Variants in PCDH11X observed in about 807,000 individuals in gnomAD.
PCDH11X encodes the protein protocadherin-11 X-linked.
PCDH11X carries 18 observed loss-of-function variants against 53.3 expected under a neutral mutation model. That is an observed-to-expected ratio of 0.34 (90% CI 0.23 to 0.50). The LOEUF is 0.50. Among genes scored for constraint, PCDH11X ranks in the 20% least tolerant of loss-of-function variants. The probability of loss-of-function intolerance (pLI) is 0.98; values close to 1 mark genes in which losing one functional copy is unlikely to be tolerated. For synonymous variants in PCDH11X, 279 were observed against 393.3 expected, an observed-to-expected ratio of 0.71 and a Z score of 3.44; for missense variants, 570 against 1,032.4, an observed-to-expected ratio of 0.55 and a Z score of 6.14.
At chrX:92,259,753 G>A (rs1347203513) in intron 7 of PCDH11X, among the ~76,000 whole-genome samples, 1 of 111,759 alleles carries the variant, frequency 8.9e-6, no homozygotes, top group Non-Finnish European at 1.9e-5. Flanking sequence ...CCTTGATGTA[G>A]TACCTGGGTA....
At chrX:92,325,862 C>T (rs1183124782) in intron 8 of PCDH11X, among the ~76,000 whole-genome samples, 2 of 111,153 alleles carry the variant, frequency 1.8e-5, no homozygotes, top group Admixed American at 9.6e-5. Context: ...AACTAACCTG[C>T]TCCTGTTATT....
At chrX:92,184,935 T>C (rs2066063875) in intron 6 of PCDH11X, among the ~76,000 whole-genome samples, 1 of 111,113 alleles carries the variant, frequency 9.0e-6, no homozygotes, top group Admixed American at 9.7e-5. Context: ...TAATATAATA[T>C]ATAGTATAAG....
intron 4 of PCDH11X, among the ~76,000 whole-genome samples, chrX:91,830,495 C>T (rs1451576110): frequency 1.8e-5 from 2 of 110,687 alleles, no homozygotes; most frequent in Non-Finnish European, 3.8e-5. Context: ...CCCGCCTCTG[C>T]TTGCTGTGGT....
intron 6 of PCDH11X, among the ~76,000 whole-genome samples, chrX:92,085,130 T>C (rs2148109157): frequency 9.0e-6 from 1 of 111,082 alleles, no homozygotes; most frequent in East Asian, 2.9e-4. Context: ...AGTAATCACC[T>C]GATTGGCTAG....
At chrX:91,821,427 G>T (rs373043878) in intron 4 of PCDH11X, among the ~76,000 whole-genome samples, 7 of 110,589 alleles carry the variant, frequency 6.3e-5, no homozygotes, top group Non-Finnish European at 9.4e-5. Context: ...TTTATTCTCT[G>T]TGAAGCAATT....
intron 10 of PCDH11X, among the ~76,000 whole-genome samples, chrX:92,545,665 T>G (rs1394766266): frequency 9.0e-6 from 1 of 111,156 alleles, no homozygotes; most frequent in Admixed American, 9.6e-5. Context: ...CCTATCAAAG[T>G]ACTGGGGTTA....
chrX:92,000,505 C>A (rs1433724162), intron 6 of PCDH11X, among the ~76,000 whole-genome samples: 3 of 104,535 alleles, frequency 2.9e-5, no homozygotes, highest in East Asian at 6.1e-4. Context: ...TACAGGCATG[C>A]AATGTGAAAT....
intron 6 of PCDH11X, among the ~76,000 whole-genome samples, chrX:91,992,475 T>C: frequency 1.1e-5 from 1 of 91,296 alleles, no homozygotes; most frequent in African/African-American, 4.4e-5. Flanking sequence ...CACCCTATTG[T>C]GCCTCTCTGC....
At chrX:92,563,108 A>G (rs1921014953) in intron 10 of PCDH11X, among the ~76,000 whole-genome samples, 1 of 82,151 alleles carries the variant, frequency 1.2e-5, no homozygotes, top group East Asian at 3.5e-4. Flanking sequence ...TGGGAAATTT[A>G]TAAAGTAAAA....
intron 8 of PCDH11X, among the ~76,000 whole-genome samples, chrX:92,360,965 T>A (rs909420950): frequency 2.5e-4 from 27 of 108,654 alleles, no homozygotes; most frequent in African/African-American, 8.3e-4. Flanking sequence ...ATTTTTTTTT[T>A]AATTAAATCT....
chrX:92,270,510 A>C (rs1033895514), intron 8 of PCDH11X, among the ~76,000 whole-genome samples: 4 of 111,936 alleles, frequency 3.6e-5, no homozygotes, highest in African/African-American at 6.5e-5. Context: ...AAAGTATCTG[A>C]AACAGGCCTC....
intron 8 of PCDH11X, among the ~76,000 whole-genome samples, chrX:92,319,417 A>G (rs1473386319): frequency 8.9e-6 from 1 of 112,767 alleles, no homozygotes; most frequent in African/African-American, 3.2e-5. Flanking sequence ...AGAACAAAAG[A>G]TAAAATTAAA....
Position 92,621,151 on chromosome X carries a change from C to A in PCDH11X, c.*2211C>A, listed in dbSNP as rs1928457226. 1 of 80,015 alleles carries A rather than the reference C, an allele frequency of 1.2e-5. No individual in the cohort carries two copies. Among genetic ancestry groups the A allele is most frequent in the Non-Finnish European group, 2.2e-5 (1 of 46,042 alleles). 6.6% of individuals were successfully genotyped at this position (80,015 alleles called of 1,213,427 possible). On this transcript the variant is annotated 3_prime_UTR_variant, in exon 11 of 11. Transcript: ENST00000682573. ...ATCTACACACACACACACACACACA[C>A]GTGCACACACACACACATTTAAATG...
At chrX:91,821,370 C>T (rs1292430236) in intron 4 of PCDH11X, among the ~76,000 whole-genome samples, 2 of 108,558 alleles carry the variant, frequency 1.8e-5, no homozygotes, top group Non-Finnish European at 3.8e-5. Flanking sequence ...TTGTAGTTCT[C>T]CTTGAAGAGG....
At chrX:92,580,750 A>T (rs1923585892) in intron 10 of PCDH11X, among the ~76,000 whole-genome samples, 1 of 111,893 alleles carries the variant, frequency 8.9e-6, no homozygotes, top group Non-Finnish European at 1.9e-5. Flanking sequence ...AGGCCCTGGT[A>T]GCCTGGGCTC....
intron 9 of PCDH11X, among the ~76,000 whole-genome samples, chrX:92,430,900 T>C (rs1380598406): frequency 9.4e-6 from 1 of 105,910 alleles, no homozygotes; most frequent in Non-Finnish European, 2.0e-5. Context: ...ATACATCTTT[T>C]AATTCTCAAA....
intron 8 of PCDH11X, among the ~76,000 whole-genome samples, chrX:92,339,357 TG>T (rs1569468818): frequency 8.9e-6 from 1 of 112,269 alleles, no homozygotes; most frequent in South Asian, 3.7e-4. Context: ...ACATTTGTCT[TG>T]GGAAAGAATT....
At chrX:92,325,501 G>A (rs936458601) in intron 8 of PCDH11X, among the ~76,000 whole-genome samples, 9 of 111,557 alleles carry the variant, frequency 8.1e-5, no homozygotes, top group East Asian at 2.8e-4. Context: ...GAAATGCAGC[G>A]TTCTAATTTA....
At chrX:92,556,293 T>C (rs1354532125) in intron 10 of PCDH11X, among the ~76,000 whole-genome samples, 1 of 111,121 alleles carries the variant, frequency 9.0e-6, no homozygotes. Context: ...CATTCCAGCA[T>C]TAACCCAAAA....
Sources: gnomAD v4.1 joint callset for allele counts (sites outside exome capture counted in the v4.1 genomes callset) on GRCh38, gnomAD v4.1.1 for gene constraint, MANE v1.5 for transcripts, NCBI Gene and HGNC (gene_info 2026-07-23, HGNC 2026-07-21) for gene names.